The following PRMT8 variants were observed in gnomAD, a reference collection of about 807,000 sequenced individuals.
The protein encoded by PRMT8 is protein arginine N-methyltransferase 8.
A neutral mutation model predicts 47.1 loss-of-function variants in PRMT8; 7 were observed. The observed-to-expected ratio is 0.15, with a 90% CI of 0.08 to 0.28. The LOEUF (loss-of-function observed/expected upper bound fraction) is 0.28, where lower values mean the gene tolerates loss of function less well. PRMT8 is among the 10% of genes least tolerant of loss of function. The pLI is 1.00. For missense variants in PRMT8, 237 were observed against 505.4 expected (o/e 0.47, Z 5.09); for synonymous variants, 188 against 186.5 (o/e 1.01, Z -0.07).
chr12:3,488,442 AC>A (rs370865765), upstream of PRMT8, among the ~76,000 whole-genome samples: 1 of 152,206 alleles, frequency 6.6e-6, no homozygotes, highest in Non-Finnish European at 1.5e-5. Flanking sequence ...GTTTCAAACT[AC>A]CCATTTGACT....
chr12:3,451,005 T>C (rs992498252), intron 1 of PRMT8, among the ~76,000 whole-genome samples: 2 of 149,802 alleles, frequency 1.3e-5, no homozygotes, highest in African/African-American at 2.5e-5. Context: ...CTTAGTTTTA[T>C]TATGAAAGCA....
chr12:3,407,117 G>A (rs1271884231), intron 1 of PRMT8, among the ~76,000 whole-genome samples: 2 of 152,148 alleles, frequency 1.3e-5, no homozygotes, highest in Non-Finnish European at 2.9e-5. Flanking sequence ...GTGGCAGGAA[G>A]GAGAAGTGCT....
At chr12:3,520,500 G>T (rs970768583) in intron 1 of PRMT8, among the ~76,000 whole-genome samples, 1 of 152,190 alleles carries the variant, frequency 6.6e-6, no homozygotes, top group Non-Finnish European at 1.5e-5. Flanking sequence ...TTATAAAAAG[G>T]AGAGGAGAAT....
chr12:3,443,015 A>ATGAT (rs2137075164), intron 1 of PRMT8, among the ~76,000 whole-genome samples: 1 of 152,320 alleles, frequency 6.6e-6, no homozygotes, highest in African/African-American at 2.4e-5. Flanking sequence ...AAAAAGTAAA[A>ATGAT]TGATAGATTC....
At chr12:3,554,379 A>T (rs184891391) in intron 4 of PRMT8, among the ~76,000 whole-genome samples, 7 of 152,324 alleles carry the variant, frequency 4.6e-5, no homozygotes, top group African/African-American at 1.7e-4. Flanking sequence ...CAGCAGGATT[A>T]GATGCAGTCC....
At position 3,581,939 on chromosome 12, in the gene PRMT8, C is replaced by T. The variant is rs979720964; in HGVS notation, c.829-1119C>T. 4.6e-5 allele frequency among the ~76,000 whole-genome samples: 7 copies of T among 152,204 alleles called. No homozygotes were observed. The East Asian group carries it at 7.7e-4, about 17-fold the overall frequency. On this transcript the variant is annotated intron_variant, in intron 7 of 9. Transcript: ENST00000382622. ...TACATTGAGACAAAAGCCATTTCAT[C>T]GCTTTGCTGGTCTTGTTTTCCTACC...
intron 4 of PRMT8, among the ~76,000 whole-genome samples, chr12:3,559,780 C>A (rs1866599983): frequency 6.6e-6 from 1 of 152,206 alleles, no homozygotes; most frequent in Admixed American, 6.5e-5. Context: ...CACATGGGCA[C>A]CCTCCTCTGC....
upstream of PRMT8, among the ~76,000 whole-genome samples, chr12:3,490,946 G>A (rs1865384350): frequency 6.6e-6 from 1 of 152,062 alleles, no homozygotes; most frequent in Non-Finnish European, 1.5e-5. Flanking sequence ...CACGCGCACC[G>A]GGTCTGAGAA....
At chr12:3,413,754 A>T (rs1864455760) in intron 1 of PRMT8, among the ~76,000 whole-genome samples, 1 of 152,148 alleles carries the variant, frequency 6.6e-6, no homozygotes, top group South Asian at 2.1e-4. Flanking sequence ...ACATGACTGT[A>T]TTCGGGGGAA....
At chr12:3,581,779 C>A (rs962594278) in intron 7 of PRMT8, among the ~76,000 whole-genome samples, 16 of 152,180 alleles carry the variant, frequency 1.1e-4, no homozygotes, top group Non-Finnish European at 2.2e-4. Flanking sequence ...GGCTACACAC[C>A]CCAGATCCTA....
intron 1 of PRMT8, among the ~76,000 whole-genome samples, chr12:3,457,866 TAA>T (rs753454138): frequency 3.2e-4 from 26 of 81,412 alleles, no homozygotes; most frequent in African/African-American, 6.9e-4. Context: ...TTTTTTTTTT[TAA>T]GACAGCGTTC....
At chr12:3,474,040 C>T (rs925070510) in intron 1 of PRMT8, among the ~76,000 whole-genome samples, 5 of 152,194 alleles carry the variant, frequency 3.3e-5, no homozygotes, top group African/African-American at 4.8e-5. Context: ...TTGTGGATTC[C>T]CCCAGTCCAT....
At chr12:3,430,334 A>ATCTGCCTGTGGATTCCATT (rs1864661568) in intron 1 of PRMT8, among the ~76,000 whole-genome samples, 1 of 152,200 alleles carries the variant, frequency 6.6e-6, no homozygotes, top group African/African-American at 2.4e-5. Flanking sequence ...GTGCTGGGCT[A>ATCTGCCTGTGGATTCCATT]TCTGCCTGTG....
chr12:3,435,595 C>T (rs1247325205), intron 1 of PRMT8, among the ~76,000 whole-genome samples: 5 of 149,442 alleles, frequency 3.3e-5, no homozygotes, highest in Non-Finnish European at 3.0e-5. Context: ...AGTGTTGGCT[C>T]ACTGCAAGCT....
At chr12:3,537,605 C>A (rs1490964771) in intron 1 of PRMT8, among the ~76,000 whole-genome samples, 2 of 152,152 alleles carry the variant, frequency 1.3e-5, no homozygotes, top group African/African-American at 4.8e-5. Flanking sequence ...TATTTCCCCC[C>A]ACCCCAACCT....
At chr12:3,491,962 C>T (rs1865419438) in intron 1 of PRMT8, among the ~76,000 whole-genome samples, 1 of 151,274 alleles carries the variant, frequency 6.6e-6, no homozygotes, top group Non-Finnish European at 1.5e-5. Flanking sequence ...TCACTCTCAC[C>T]CCATCACCCT....
At chr12:3,560,028 AGG>A (rs1866604694) in intron 4 of PRMT8, among the ~76,000 whole-genome samples, 2 of 152,162 alleles carry the variant, frequency 1.3e-5, no homozygotes, top group African/African-American at 4.8e-5. Flanking sequence ...TGTTCCAGGG[AGG>A]AGGGACCTCC....
Position 3,537,075 on chromosome 12 carries a change from G to A in PRMT8, c.76-3531G>A, listed in dbSNP as rs552915993. ...GGATTTGTGCTCTTTAACACTTCAA[G>A]TACATTTTACCAAACGGCCTTTCTA... is the stretch of plus-strand genomic sequence containing the variant. On this transcript the variant is annotated intron_variant, in intron 1 of 9. Coordinates refer to ENST00000382622, the MANE Select transcript of PRMT8 (RefSeq NM_019854.5). Among the ~76,000 whole-genome samples the A allele has an allele frequency of 1.8e-4, 28 of 152,310 alleles. 1 individual carries two copies. The South Asian group carries it at 5.8e-3, about 32-fold the overall frequency.
At chr12:3,531,691 G>T (rs192014059) in intron 1 of PRMT8, among the ~76,000 whole-genome samples, 1 of 152,202 alleles carries the variant, frequency 6.6e-6, no homozygotes, top group Admixed American at 6.5e-5. Flanking sequence ...CGCGTCAAGC[G>T]TCTCAGTGAC....
Sources: gnomAD v4.1 joint callset for allele counts (sites outside exome capture counted in the v4.1 genomes callset) on GRCh38, gnomAD v4.1.1 for gene constraint, MANE v1.5 for transcripts, NCBI Gene and HGNC (gene_info 2026-07-23, HGNC 2026-07-21) for gene names.